Variants in TYW1B observed in about 807,000 individuals in gnomAD.
TYW1B encodes S-adenosyl-L-methionine-dependent tRNA 4-demethylwyosine synthase TYW1B.
A neutral mutation model predicts 86.9 loss-of-function variants in TYW1B; 73 were observed. That is an observed-to-expected ratio of 0.84 (90% CI 0.70 to 1.02). The LOEUF is 1.02. TYW1B is among the 50% of genes least tolerant of loss of function. TYW1B has a pLI of 0.00. For synonymous variants in TYW1B, 248 were observed against 292.8 expected (o/e 0.85, Z 1.56); for missense variants, 637 against 827.4 (o/e 0.77, Z 2.82).
intron 13 of TYW1B, among the ~76,000 whole-genome samples, chr7:72,604,238 G>C (rs1386857005): frequency 6.6e-6 from 1 of 152,144 alleles, no homozygotes. Context: ...CAAGGTGGGT[G>C]GATCACTTGA....
intron 11 of TYW1B, among the ~76,000 whole-genome samples, chr7:72,688,862 C>T (rs1448781529): frequency 2.6e-5 from 4 of 152,166 alleles, no homozygotes; most frequent in Admixed American, 2.6e-4. Flanking sequence ...CTGGAGGGAA[C>T]CAGTTTACTA....
Position 72,821,074 on chromosome 7 carries a change from G to A in TYW1B, c.136-5593C>T, listed in dbSNP as rs544926821. Among the ~76,000 whole-genome samples, 597 of 152,344 alleles carry A rather than the reference G, an allele frequency of 3.9e-3. 2 individuals are homozygous for A. The highest frequency in any genetic ancestry group is 0.014 in the African/African-American group (580 of 41,586). On this transcript the variant is annotated intron_variant, in intron 2 of 13. Coordinates refer to ENST00000620995, the MANE Select transcript of TYW1B (RefSeq NM_001145440.3). ...TGCAACCTCTGCCTCCCGGGTTCAA[G>A]TGATTCTCGTGCCTTAGCCTCCCAT...
chr7:72,631,997 T>C (rs1178700105), intron 11 of TYW1B, among the ~76,000 whole-genome samples: 3 of 151,984 alleles, frequency 2.0e-5, no homozygotes, highest in African/African-American at 7.3e-5. Context: ...CTTATAATTA[T>C]GAAATGCCTA....
At chr7:72,705,716 G>A (rs1324099422) in intron 10 of TYW1B, among the ~76,000 whole-genome samples, 1 of 152,206 alleles carries the variant, frequency 6.6e-6, no homozygotes, top group African/African-American at 2.4e-5. Context: ...CACTCATGAA[G>A]TGGGAGATGC....
At chr7:72,765,811 G>A (rs1187395780) in intron 7 of TYW1B, among the ~76,000 whole-genome samples, 1 of 152,076 alleles carries the variant, frequency 6.6e-6, no homozygotes, top group Non-Finnish European at 1.5e-5. Context: ...TCTGATTTAT[G>A]AACCACAAAA....
rs543931845 is a variant in TYW1B at position 72,716,400 on chromosome 7, GTT to G, written c.1193-2604_1193-2603del. On this transcript the variant is annotated intron_variant, in intron 9 of 13. Coordinates refer to ENST00000620995, the MANE Select transcript of TYW1B (RefSeq NM_001145440.3). ...ATTTGCTATTACCACCTTTATCCTAGTTTATGAAACTGATTCGATCCCAGTCA... is the reference window on the plus strand; with the variant it reads ...ATTTGCTATTACCACCTTTATCCTAGTATGAAACTGATTCGATCCCAGTCA... Among the ~76,000 whole-genome samples, 185 of 152,352 alleles carry G rather than the reference GTT, an allele frequency of 1.2e-3. 5 individuals are homozygous for G. In the East Asian group the frequency reaches 0.034, roughly 28 times the overall value.
At chr7:72,681,591 CTT>C (rs71069098) in intron 11 of TYW1B, among the ~76,000 whole-genome samples, 9 of 111,016 alleles carry the variant, frequency 8.1e-5, no homozygotes, top group Non-Finnish European at 9.1e-5. Context: ...ATATTTACTT[CTT>C]TTTTTTTTTT....
intron 1 of TYW1B, among the ~76,000 whole-genome samples, 174 bp from the exon 2 acceptor site, chr7:72,827,159 G>A (rs544121327): frequency 1.3e-5 from 2 of 152,336 alleles, no homozygotes; most frequent in African/African-American, 2.4e-5. Context: ...TGTAATCCCA[G>A]CACTTTGGGT....
intron 2 of TYW1B, among the ~76,000 whole-genome samples, chr7:72,824,554 A>G (rs782251375): frequency 2.0e-5 from 3 of 152,110 alleles, no homozygotes; most frequent in Non-Finnish European, 4.4e-5. Flanking sequence ...CAGCCTGGCC[A>G]ATATGGTGAA....
intron 3 of TYW1B, among the ~76,000 whole-genome samples, chr7:72,812,138 T>TA (rs1788632998): frequency 1.2e-5 from 1 of 82,272 alleles, no homozygotes; most frequent in East Asian, 2.4e-4. Flanking sequence ...ATTTTAGAGG[T>TA]GTTTTTTTTT....
At chr7:72,775,572 C>CA (rs1385507167) in intron 7 of TYW1B, among the ~76,000 whole-genome samples, 8 of 152,066 alleles carry the variant, frequency 5.3e-5, no homozygotes, top group African/African-American at 1.9e-4. Context: ...CTATATCCAG[C>CA]AAAAAATTAC....
chr7:72,807,037 A>C (rs67852668), intron 5 of TYW1B, 29 bp downstream of exon 5: 1,272,895 of 1,600,458 alleles, frequency 0.8, 506,669 homozygotes, highest in Non-Finnish European at 0.8. Context: ...GGGGGAAAGC[A>C]TCAAGAGATG....
chr7:72,689,330 T>C (rs1181333730), intron 11 of TYW1B, among the ~76,000 whole-genome samples: 2 of 152,194 alleles, frequency 1.3e-5, no homozygotes, highest in African/African-American at 4.8e-5. Context: ...TGTATCATTA[T>C]CTTATTTTTC....
At chr7:72,674,539 C>G (rs1168430348) in intron 11 of TYW1B, among the ~76,000 whole-genome samples, 15 of 152,008 alleles carry the variant, frequency 9.9e-5, no homozygotes, top group African/African-American at 3.4e-4. Context: ...ACCAATCTTT[C>G]CATATAGAGA....
At chr7:72,747,088 T>C (rs142474740) in intron 7 of TYW1B, among the ~76,000 whole-genome samples, 112 of 152,232 alleles carry the variant, frequency 7.4e-4, no homozygotes, top group Middle Eastern at 3.4e-3. Flanking sequence ...TTGTTGAAAA[T>C]TTCAACATGG....
At chr7:72,625,439 T>G (rs1304225801) in intron 12 of TYW1B, among the ~76,000 whole-genome samples, 2 of 152,006 alleles carry the variant, frequency 1.3e-5, no homozygotes, top group African/African-American at 4.8e-5. Context: ...GGCAACATAG[T>G]GAGACCCCAT....
At chr7:72,696,828 C>G (rs1348227631) in intron 10 of TYW1B, among the ~76,000 whole-genome samples, 2 of 152,166 alleles carry the variant, frequency 1.3e-5, no homozygotes, top group Non-Finnish European at 2.9e-5. Flanking sequence ...GGCAGGCTCT[C>G]ATTGCTTTAA....
chr7:72,776,849 A>C (rs1554470654), intron 7 of TYW1B, among the ~76,000 whole-genome samples: 6 of 151,994 alleles, frequency 3.9e-5, no homozygotes, highest in Admixed American at 2.6e-4. Flanking sequence ...CTAGTGTACC[A>C]GACCGACAGT....
chr7:72,738,981 G>A (rs1399874913), intron 8 of TYW1B, among the ~76,000 whole-genome samples: 1 of 152,112 alleles, frequency 6.6e-6, no homozygotes, highest in Admixed American at 6.6e-5. Flanking sequence ...AGTTACTCAA[G>A]TGGCTGAGGC....
Sources: gnomAD v4.1 joint callset for allele counts (sites outside exome capture counted in the v4.1 genomes callset) on GRCh38, gnomAD v4.1.1 for gene constraint, MANE v1.5 for transcripts, NCBI Gene and HGNC (gene_info 2026-07-23, HGNC 2026-07-21) for gene names.